NRF1: variants seen among roughly 807,000 people sequenced by gnomAD.
NRF1 encodes nuclear respiratory factor 1.
In NRF1, 5 loss-of-function variants were observed where a neutral mutation model predicts 58.5. That is an observed-to-expected ratio of 0.09 (90% CI 0.04 to 0.18). The LOEUF (loss-of-function observed/expected upper bound fraction) is 0.18, where lower values mean the gene tolerates loss of function less well. Among genes scored for constraint, NRF1 ranks in the 10% least tolerant of loss-of-function variants. The probability of loss-of-function intolerance (pLI) is 1.00; values close to 1 mark genes in which losing one functional copy is unlikely to be tolerated. For missense variants in NRF1, 288 were observed against 657.7 expected (o/e 0.44, Z 6.15); for synonymous variants, 224 against 246.7 (o/e 0.91, Z 0.86).
intron 9 of NRF1, among the ~76,000 whole-genome samples, chr7:129,723,166 G>A (rs1263126693): frequency 2.0e-5 from 3 of 151,840 alleles, no homozygotes; most frequent in Non-Finnish European, 2.9e-5. Flanking sequence ...TTTCCAGGCC[G>A]GGTGCGGTGG....
At chr7:129,735,102 AT>A (rs1803675366) in intron 10 of NRF1, 1 of 985,236 alleles carries the variant, frequency 1.0e-6, no homozygotes, top group Non-Finnish European at 1.2e-6. Context: ...TCCCCCAGAG[AT>A]TTTGAAGAGC....
At chr7:129,656,086 A>G (rs915723361) in intron 1 of NRF1, among the ~76,000 whole-genome samples, 15 of 152,206 alleles carry the variant, frequency 9.9e-5, no homozygotes, top group African/African-American at 3.6e-4. Context: ...ATGTCTATTC[A>G]AGAATAGCTG....
chr7:129,619,396 G>GTATGTATATA (rs1554401441), intron 1 of NRF1, among the ~76,000 whole-genome samples: 1 of 47,358 alleles, frequency 2.1e-5, no homozygotes, highest in Non-Finnish European at 3.3e-5. Flanking sequence ...TGGCATACGT[G>GTATGTATATA]TATATATATA....
Position 129,719,423 on chromosome 7 carries a change from C to T in NRF1, c.1223+2047C>T, listed in dbSNP as rs1214488128. 2.0e-5 allele frequency among the ~76,000 whole-genome samples: 3 copies of T among 151,954 alleles called. 1 individual carries two copies. The highest frequency in any genetic ancestry group is 4.1e-4 in the South Asian group (2 of 4,822). ...CTGGGATTACAGGCGTAAGCCACCA[C>T]GCCCAGCCTAAGTGATTTCATTTTA... On this transcript the variant is annotated intron_variant, in intron 9 of 10. Transcript: ENST00000393232.
chr7:129,657,665 A>T (rs949845215), intron 2 of NRF1, 91 bp downstream of exon 2: 7 of 791,014 alleles, frequency 8.8e-6, no homozygotes, highest in East Asian at 5.4e-5. Flanking sequence ...GCTGGGGTGC[A>T]GCAGCACAAT....
At chr7:129,663,246 C>T (rs1801827737) in intron 2 of NRF1, among the ~76,000 whole-genome samples, 1 of 152,194 alleles carries the variant, frequency 6.6e-6, no homozygotes, top group African/African-American at 2.4e-5. Flanking sequence ...GTCATCATGG[C>T]CCGCTCTCGA....
chr7:129,662,456 T>C (rs925916064), intron 2 of NRF1, among the ~76,000 whole-genome samples: 3 of 150,730 alleles, frequency 2.0e-5, no homozygotes, highest in Non-Finnish European at 4.4e-5. Context: ...CGGTTTCCAA[T>C]AGTGGAAAAA....
intron 1 of NRF1, among the ~76,000 whole-genome samples, chr7:129,656,729 C>A (rs1022877472): frequency 6.6e-6 from 1 of 152,098 alleles, no homozygotes; most frequent in East Asian, 1.9e-4. Flanking sequence ...CGCCCACCAC[C>A]ACGCCTGGCT....
chr7:129,653,437 C>A (rs1274446354), intron 1 of NRF1, among the ~76,000 whole-genome samples: 2 of 152,132 alleles, frequency 1.3e-5, no homozygotes, highest in Admixed American at 1.3e-4. Flanking sequence ...ATTGATGAGC[C>A]CACATTGACA....
chr7:129,690,575 C>T, intron 5 of NRF1, 29 bp downstream of exon 5: 3 of 1,613,006 alleles, frequency 1.9e-6, no homozygotes, highest in Non-Finnish European at 2.5e-6. Context: ...GGAGGAGACT[C>T]AAAGACAAGT....
At chr7:129,696,084 A>ACAAC (rs1554410314) in intron 5 of NRF1, among the ~76,000 whole-genome samples, 15 of 110,936 alleles carry the variant, frequency 1.4e-4, no homozygotes, top group African/African-American at 5.1e-4. Context: ...AAAAAAAAAA[A>ACAAC]AACAACCAAA....
chr7:129,631,236 A>ATT (rs55900304), intron 1 of NRF1, among the ~76,000 whole-genome samples: 1 of 146,162 alleles, frequency 6.8e-6, no homozygotes, highest in Non-Finnish European at 1.5e-5. Flanking sequence ...ATTTGATTTA[A>ATT]TTTTTTTTTT....
rs1232647639 is a variant in NRF1, at chr7:129,711,490, A to G, written c.979A>G (p.Thr327Ala). The G allele has an allele frequency of 1.9e-6, 3 of 1,611,792 alleles. No homozygotes were observed. Among genetic ancestry groups the G allele is most frequent in the South Asian group, 1.1e-5 (1 of 90,324 alleles). Residue 327 changes from threonine to alanine, a missense_variant, in exon 8 of 11, where the codon ACA (threonine) becomes GCA (alanine). Around this residue, in one of 3 missense-constraint regions of NRF1, gnomAD observed 212 missense variants for 559.7 expected, o/e 0.38. Coordinates refer to ENST00000393232, the MANE Select transcript of NRF1 (RefSeq NM_005011.5). ...TTTTCTTTAGGTTGGTACGGGGGCA[A>G]CAGTAGCCACATTGGCTGATGCTTC... ...VSLIQVGTGA[T>A]VATLADASEL...
intron 1 of NRF1, among the ~76,000 whole-genome samples, chr7:129,621,873 C>T (rs1047394887): frequency 2.7e-5 from 4 of 149,804 alleles, no homozygotes; most frequent in Non-Finnish European, 5.9e-5. Context: ...ACTTCCGCCT[C>T]TCGGGTTCAA....
Position 129,637,866 on chromosome 7 carries a change from A to T in NRF1, c.-6-19480A>T, listed in dbSNP as rs924092077. Reference sequence around the variant, plus strand: ...CATTATGAGATTTTTTTGTGATTTTATTTTTTGTTTTTTTTTTTCTAAGCT... The same window carrying T: ...CATTATGAGATTTTTTTGTGATTTTTTTTTTTGTTTTTTTTTTTCTAAGCT... On this transcript the variant is annotated intron_variant, in intron 1 of 10. Transcript: ENST00000393232. Among the ~76,000 whole-genome samples, 30 of 149,568 alleles carry T rather than the reference A, an allele frequency of 2.0e-4. No individual in the cohort carries two copies. The South Asian group carries it at 5.5e-3, about 28-fold the overall frequency.
rs1285072156 is a variant in NRF1, at chr7:129,741,603, T to A, written c.1349-13415T>A. On this transcript the variant is annotated intron_variant, in intron 10 of 10. Transcript: ENST00000393232. The surrounding 1 kb of genome is among the most constrained non-coding windows in gnomAD (Gnocchi z 4.0). ...ATTGAGCATGTAAAAAGGGCATTAATCACTGTTCACACAGGAATCACAATA... is the reference window on the plus strand; with the variant it reads ...ATTGAGCATGTAAAAAGGGCATTAAACACTGTTCACACAGGAATCACAATA... Among the ~76,000 whole-genome samples, 1 of 152,204 alleles carries A rather than the reference T, an allele frequency of 6.6e-6. No individual in the cohort carries two copies. The highest frequency in any genetic ancestry group is 1.5e-5 in the Non-Finnish European group (1 of 68,026).
At chr7:129,649,311 C>G (rs999312427) in intron 1 of NRF1, among the ~76,000 whole-genome samples, 1 of 152,166 alleles carries the variant, frequency 6.6e-6, no homozygotes, top group Non-Finnish European at 1.5e-5. Flanking sequence ...AGGTTCCCCC[C>G]ACCCCACCCC....
In NRF1 at chr7:129,755,000, T is replaced by TTC; in HGVS notation, c.1349-14_1349-13dup. ...TTGAGCCTGAGCCCCACCAACGGTC[T>TTC]TCTCTTTGTCTCTCCAGGCCTGGTC... On this transcript the variant is annotated splice_polypyrimidine_tract_variant and intron_variant, in intron 10 of 10. Transcript: ENST00000393232. The TTC allele has an allele frequency of 6.4e-7, 1 of 1,566,946 alleles. No individual in the cohort carries two copies. Among genetic ancestry groups the TTC allele is most frequent in the Non-Finnish European group, 8.6e-7 (1 of 1,157,160 alleles).
chr7:129,614,043 C>T (rs368363262), intron 1 of NRF1, among the ~76,000 whole-genome samples: 5 of 152,334 alleles, frequency 3.3e-5, no homozygotes, highest in East Asian at 1.9e-4. Context: ...GCTTAGTAGT[C>T]AGTGGTCATA....
Sources: allele counts gnomAD v4.1 joint callset (sites outside exome capture counted in the v4.1 genomes callset), GRCh38; gene constraint gnomAD v4.1.1; regional missense constraint gnomAD v4.1.1; non-coding constraint Gnocchi (gnomAD v3.1); transcripts MANE v1.5; gene names NCBI Gene and HGNC (gene_info 2026-07-23, HGNC 2026-07-21).